Variants in SNX29 observed in about 807,000 individuals in gnomAD.
SNX29 encodes sorting nexin 29, also known as sorting nexin-29.
In SNX29, 78 loss-of-function variants were observed where a neutral mutation model predicts 102.1. That is an observed-to-expected ratio of 0.76 (90% CI 0.64 to 0.92). The LOEUF is 0.92. Among genes scored for constraint, SNX29 ranks in the 40% least tolerant of loss-of-function variants. SNX29 has a pLI of 0.00. For missense variants in SNX29, 1,280 were observed against 1,061.7 expected, an observed-to-expected ratio of 1.21 and a Z score of -2.86; for synonymous variants, 580 against 414.5, an observed-to-expected ratio of 1.40 and a Z score of -4.85.
rs2079218307 is a variant in SNX29, at chr16:12,572,913, A to T, written c.*4284A>T. 1.0e-6 allele frequency: 1 copy of T among 997,202 alleles called. No homozygotes were observed. The highest frequency in any genetic ancestry group is 4.9e-5 in the South Asian group (1 of 20,552). 61.8% of individuals were successfully genotyped at this position (997,202 alleles called of 1,614,324 possible). ...GGCATTTCGCTCGGAATCACGGCAG[A>T]CTTGGAGTGTTTCTTCAAGGCAGGC... On this transcript the variant is annotated 3_prime_UTR_variant, in exon 21 of 21. Transcript: ENST00000566228.
At chr16:12,130,034 G>A (rs2054389610) in intron 13 of SNX29, among the ~76,000 whole-genome samples, 1 of 151,776 alleles carries the variant, frequency 6.6e-6, no homozygotes, top group Admixed American at 6.6e-5. Flanking sequence ...AACCCGGGAG[G>A]CAGAGGTTGC....
chr16:12,334,042 G>A (rs2081372326), intron 15 of SNX29, among the ~76,000 whole-genome samples: 2 of 152,088 alleles, frequency 1.3e-5, no homozygotes, highest in Admixed American at 1.3e-4. Context: ...ATTTTTAGAC[G>A]GCCTTGTAGG....
chr16:12,062,822 T>A (rs1308122384), intron 9 of SNX29, among the ~76,000 whole-genome samples: 1 of 152,136 alleles, frequency 6.6e-6, no homozygotes, highest in Admixed American at 6.5e-5. Context: ...TCAAACTAGC[T>A]GAAGCACAGA....
intron 11 of SNX29, among the ~76,000 whole-genome samples, chr16:12,108,119 G>C (rs2053342873): frequency 6.6e-6 from 1 of 152,232 alleles, no homozygotes; most frequent in Admixed American, 6.5e-5. Context: ...CCCGAGCTGA[G>C]ATGCAGATGG....
rs1003490940 is a variant in SNX29, at chr16:12,023,353, G to T, written c.123-3967G>T. On this transcript the variant is annotated intron_variant, in intron 3 of 20. Coordinates refer to ENST00000566228, the MANE Select transcript of SNX29 (RefSeq NM_032167.5). ...CTCCAGTGAAGCCAGAGTGTCTGCA[G>T]TAGAGAGTATTCTGGGAACCCCCCA... 3.4e-5 allele frequency among the ~76,000 whole-genome samples: 5 copies of T among 148,988 alleles called. No homozygotes were observed. The East Asian group carries it at 9.9e-4, about 30-fold the overall frequency.
chr16:12,379,142 A>T (rs537258007), intron 16 of SNX29, among the ~76,000 whole-genome samples: 2 of 152,284 alleles, frequency 1.3e-5, no homozygotes, highest in Admixed American at 1.3e-4. Context: ...AAAAAAATAG[A>T]TAATGAACTT....
intron 16 of SNX29, among the ~76,000 whole-genome samples, chr16:12,364,629 G>C (rs1321387212): frequency 6.6e-6 from 1 of 152,090 alleles, no homozygotes; most frequent in Non-Finnish European, 1.5e-5. Context: ...GACACAGCGC[G>C]GTGAAAGCTA....
chr16:11,999,166 T>C lies in SNX29; in HGVS notation c.8-131T>C, dbSNP rs8052542. 1,051 of 761,242 alleles carry C rather than the reference T, an allele frequency of 1.4e-3. 9 individuals are homozygous for C. In the African/African-American group the frequency reaches 0.016, roughly 11 times the overall value. The allele number at this position is 761,242 out of a possible 1,614,324, so 47.2% of individuals were successfully genotyped here. The stretch of plus-strand genomic sequence containing the variant: ...AACAGGCAATAGCCAAACTTCATTG[T>C]AATGATACAGATTATTGATACCTAG... On this transcript the variant is annotated intron_variant, in intron 1 of 20. Transcript: ENST00000566228.
At chr16:12,294,813 C>T (rs1487930794) in intron 15 of SNX29, among the ~76,000 whole-genome samples, 4 of 152,024 alleles carry the variant, frequency 2.6e-5, no homozygotes, top group African/African-American at 4.8e-5. Context: ...CTGGAGCTCC[C>T]GGGAAGAGAT....
At chr16:12,317,803 A>C (rs1276042596) in intron 15 of SNX29, among the ~76,000 whole-genome samples, 1 of 152,232 alleles carries the variant, frequency 6.6e-6, no homozygotes, top group East Asian at 1.9e-4. Flanking sequence ...TCCAAGCCTC[A>C]GTCTCTTCAT....
intron 14 of SNX29, among the ~76,000 whole-genome samples, chr16:12,254,958 G>A (rs995116379): frequency 3.3e-5 from 5 of 152,184 alleles, no homozygotes; most frequent in African/African-American, 1.2e-4. Flanking sequence ...ACAGGAGTAA[G>A]GAAATGCAGC....
chr16:12,484,075 C>G (rs535508281), intron 19 of SNX29, among the ~76,000 whole-genome samples: 1 of 152,240 alleles, frequency 6.6e-6, no homozygotes, highest in Admixed American at 6.5e-5. Flanking sequence ...ATGCCTGTCC[C>G]ATGGACTCCA....
At chr16:12,029,210 T>C (rs1321269206) in intron 4 of SNX29, among the ~76,000 whole-genome samples, 2 of 152,102 alleles carry the variant, frequency 1.3e-5, no homozygotes, top group Non-Finnish European at 2.9e-5. Flanking sequence ...TACTCATTTG[T>C]AGAAATGAGT....
chr16:12,403,200 G>GTA (rs796996862), intron 17 of SNX29, among the ~76,000 whole-genome samples: 5 of 70,830 alleles, frequency 7.1e-5, no homozygotes, highest in Non-Finnish European at 1.0e-4. Context: ...GATTGTGTGT[G>GTA]TATGTGTGTG....
intron 14 of SNX29, among the ~76,000 whole-genome samples, chr16:12,202,741 AC>A (rs1340019608): frequency 6.6e-6 from 1 of 152,202 alleles, no homozygotes; most frequent in Non-Finnish European, 1.5e-5. Context: ...CCCTCTGAAA[AC>A]TCATGCTTTC....
chr16:12,018,631 A>G (rs1346221719), intron 3 of SNX29, among the ~76,000 whole-genome samples: 1 of 151,580 alleles, frequency 6.6e-6, no homozygotes, highest in Non-Finnish European at 1.5e-5. Context: ...ACTGTTATGC[A>G]TCAAGTTCCT....
chr16:12,090,905 C>T (rs547390114), intron 11 of SNX29, among the ~76,000 whole-genome samples: 31 of 150,112 alleles, frequency 2.1e-4, no homozygotes, highest in Middle Eastern at 3.2e-3. Flanking sequence ...ATCCCAGCTA[C>T]TCGAGAGGCT....
chr16:12,028,912 C>G (rs1230948781), intron 4 of SNX29, among the ~76,000 whole-genome samples: 1 of 151,560 alleles, frequency 6.6e-6, no homozygotes, highest in Admixed American at 6.6e-5. Flanking sequence ...CCATGCCTGG[C>G]TAGTTTTTGT....
chr16:12,052,746 G>GC (rs1567568871), intron 8 of SNX29: 3 of 165,222 alleles, frequency 1.8e-5, no homozygotes, highest in African/African-American at 7.2e-5. Context: ...CAGAATGTGT[G>GC]CCTTGAAATT....
Sources: allele counts gnomAD v4.1 joint callset (sites outside exome capture counted in the v4.1 genomes callset), GRCh38; gene constraint gnomAD v4.1.1; transcripts MANE v1.5; gene names NCBI Gene and HGNC (gene_info 2026-07-23, HGNC 2026-07-21).